TMED3: variants seen among roughly 807,000 people sequenced by gnomAD.
TMED3 encodes the protein transmembrane emp24 domain-containing protein 3.
TMED3 carries 9 observed loss-of-function variants against 15.0 expected under a neutral mutation model. That is an observed-to-expected ratio of 0.60 (90% CI 0.36 to 1.04). TMED3 has a LOEUF of 1.04. Among genes scored for constraint, TMED3 ranks in the 50% least tolerant of loss-of-function variants. The pLI is 0.01. For synonymous variants in TMED3, 117 were observed against 121.4 expected, an observed-to-expected ratio of 0.96 and a Z score of 0.24; for missense variants, 267 against 278.9, an observed-to-expected ratio of 0.96 and a Z score of 0.30.
chr15:79,319,199 C>T (rs114003185), intron 2 of TMED3, among the ~76,000 whole-genome samples: 13 of 152,336 alleles, frequency 8.5e-5, no homozygotes, highest in African/African-American at 2.4e-4. Flanking sequence ...CACCTTTCTA[C>T]GTGTGACATT....
chr15:79,396,497 G>C (rs536534594), intron 2 of TMED3, among the ~76,000 whole-genome samples: 68 of 152,330 alleles, frequency 4.5e-4, no homozygotes, highest in African/African-American at 1.5e-3. Flanking sequence ...TTTGTAGCCT[G>C]TCCATGTGGC....
chr15:79,392,919 A>C (rs1168473179), intron 2 of TMED3, among the ~76,000 whole-genome samples: 1 of 152,232 alleles, frequency 6.6e-6, no homozygotes, highest in East Asian at 1.9e-4. Flanking sequence ...CTGAGGTTGC[A>C]GACCTTTGGC....
At chr15:79,332,216 A>G (rs1370654288) in intron 2 of TMED3, among the ~76,000 whole-genome samples, 1 of 152,254 alleles carries the variant, frequency 6.6e-6, no homozygotes, top group Non-Finnish European at 1.5e-5. Context: ...TAAAGGAACC[A>G]ATGGAGGGAA....
At chr15:79,329,352 A>G (rs1173219870) in intron 2 of TMED3, among the ~76,000 whole-genome samples, 1 of 152,200 alleles carries the variant, frequency 6.6e-6, no homozygotes, top group Non-Finnish European at 1.5e-5. Context: ...TCACTGGAAC[A>G]TGTTGTAAGG....
intron 2 of TMED3, among the ~76,000 whole-genome samples, chr15:79,386,962 C>T (rs1170484079): frequency 1.0e-4 from 14 of 137,698 alleles, no homozygotes; most frequent in Non-Finnish European, 1.7e-4. Flanking sequence ...GACAATGTCT[C>T]GTTCTGTCAC....
At chr15:79,382,492 T>C (rs1275813638) in intron 2 of TMED3, among the ~76,000 whole-genome samples, 1 of 152,236 alleles carries the variant, frequency 6.6e-6, no homozygotes, top group Non-Finnish European at 1.5e-5. Flanking sequence ...AATGCATAGC[T>C]AAAGTTCTGT....
At chr15:79,359,145 A>G (rs1373791685) in intron 2 of TMED3, among the ~76,000 whole-genome samples, 3 of 152,164 alleles carry the variant, frequency 2.0e-5, no homozygotes, top group African/African-American at 7.2e-5. Flanking sequence ...TGGAAGGAAC[A>G]AAATTGCAAC....
chr15:79,323,731 C>A (rs1462210257), downstream of TMED3, among the ~76,000 whole-genome samples: 1 of 152,164 alleles, frequency 6.6e-6, no homozygotes, highest in African/African-American at 2.4e-5. Flanking sequence ...TTTACTAAAA[C>A]TCACGTTGTC....
At chr15:79,327,124 A>C (rs1053814886), downstream of TMED3, among the ~76,000 whole-genome samples, 1 of 152,158 alleles carries the variant, frequency 6.6e-6, no homozygotes, top group African/African-American at 2.4e-5. Flanking sequence ...ATCTGCCCCC[A>C]TGGCCCAAAC....
At chr15:79,362,280 A>G (rs907311239) in intron 2 of TMED3, among the ~76,000 whole-genome samples, 5 of 148,648 alleles carry the variant, frequency 3.4e-5, no homozygotes, top group Non-Finnish European at 5.9e-5. Context: ...AGCCTGGGGC[A>G]TATAGTGTGA....
chr15:79,374,700 T>TG lies in TMED3; in HGVS notation c.418-36694dup, dbSNP rs767034704. On this transcript the variant is annotated intron_variant, in intron 2 of 2. Transcript: ENST00000424155. ...ATTGTCTACCTGATTAACAAGGACTTGGGGGGTTAGGGATATTTCTGGATG... is the reference window on the plus strand; with the variant it reads ...ATTGTCTACCTGATTAACAAGGACTTGGGGGGGTTAGGGATATTTCTGGATG... Among the ~76,000 whole-genome samples, 5 of 152,294 alleles carry TG rather than the reference T, an allele frequency of 3.3e-5. No homozygotes were observed. In the East Asian group the frequency reaches 5.8e-4, roughly 18 times the overall value.
At chr15:79,351,694 T>C (rs921131683) in intron 2 of TMED3, among the ~76,000 whole-genome samples, 1 of 152,178 alleles carries the variant, frequency 6.6e-6, no homozygotes, top group African/African-American at 2.4e-5. Context: ...TAAGTAGCAC[T>C]ACCATTTGAT....
At chr15:79,363,917 T>C (rs1477204928) in intron 2 of TMED3, among the ~76,000 whole-genome samples, 1 of 152,132 alleles carries the variant, frequency 6.6e-6, no homozygotes, top group Admixed American at 6.5e-5. Flanking sequence ...AACTCTCCGA[T>C]GTCTTACAGG....
rs543241298 is a variant in TMED3, at chr15:79,358,617, T to C, written c.417+44612T>C. The stretch of plus-strand genomic sequence containing the variant: ...TCCCTCAGGCCCATCCCGAAGGAGA[T>C]CACGGGTCCACCCTAGGACCTCTGA... On this transcript the variant is annotated intron_variant, in intron 2 of 2. Coordinates refer to the TMED3 transcript ENST00000424155. 1.9e-3 allele frequency among the ~76,000 whole-genome samples: 293 copies of C among 152,324 alleles called. 4 individuals are homozygous for C. Among genetic ancestry groups the C allele is most frequent in the African/African-American group, 6.7e-3 (278 of 41,586 alleles).
chr15:79,399,840 G>A (rs1483634953), intron 2 of TMED3, among the ~76,000 whole-genome samples: 2 of 152,186 alleles, frequency 1.3e-5, no homozygotes, highest in Non-Finnish European at 2.9e-5. Context: ...ATCAGGGGGC[G>A]TGGATCTAAG....
At chr15:79,369,273 G>A (rs757193195) in intron 2 of TMED3, among the ~76,000 whole-genome samples, 26 of 152,192 alleles carry the variant, frequency 1.7e-4, no homozygotes, top group Non-Finnish European at 2.4e-4. Context: ...GGGTTGCCTC[G>A]AGAGATAATA....
At chr15:79,409,634 A>G (rs572235155) in intron 2 of TMED3, among the ~76,000 whole-genome samples, 1 of 152,316 alleles carries the variant, frequency 6.6e-6, no homozygotes, top group South Asian at 2.1e-4. Context: ...TGTGTTCTTT[A>G]TTGACCATTC....
At chr15:79,352,311 A>G (rs997598490) in intron 2 of TMED3, among the ~76,000 whole-genome samples, 2 of 152,252 alleles carry the variant, frequency 1.3e-5, no homozygotes, top group South Asian at 2.1e-4. Context: ...GAAGGCACCC[A>G]TGAAAGGTCA....
At chr15:79,401,179 A>G (rs999094186) in intron 2 of TMED3, among the ~76,000 whole-genome samples, 2 of 152,236 alleles carry the variant, frequency 1.3e-5, no homozygotes, top group Non-Finnish European at 2.9e-5. Flanking sequence ...TAGGCACTCA[A>G]TAAATACTAG....
Sources: allele counts gnomAD v4.1 joint callset (sites outside exome capture counted in the v4.1 genomes callset), GRCh38; gene constraint gnomAD v4.1.1; transcripts MANE v1.5; gene names NCBI Gene and HGNC (gene_info 2026-07-23, HGNC 2026-07-21).